Variants in UBE3A observed in about 807,000 individuals in gnomAD.
The protein encoded by UBE3A is ubiquitin-protein ligase E3A.
In UBE3A, 6 loss-of-function variants were observed where a neutral mutation model predicts 83.4. The observed-to-expected ratio is 0.07, with a 90% CI of 0.04 to 0.14. The LOEUF is 0.14. Ranked by LOEUF, UBE3A falls within the 10% of genes least tolerant of loss-of-function variation. The pLI is 1.00. For missense variants in UBE3A, 456 were observed against 1,036.1 expected, an observed-to-expected ratio of 0.44 and a Z score of 7.69; for synonymous variants, 337 against 355.4, an observed-to-expected ratio of 0.95 and a Z score of 0.58.
At chr15:25,425,061 A>G (rs1890924735) in intron 1 of UBE3A, among the ~76,000 whole-genome samples, 1 of 152,158 alleles carries the variant, frequency 6.6e-6, no homozygotes, top group Non-Finnish European at 1.5e-5. Context: ...ATTTTGAAAA[A>G]GAATAAGTTA....
At chr15:25,408,877 TAC>T (rs1295901248) in intron 3 of UBE3A, among the ~76,000 whole-genome samples, 1 of 152,204 alleles carries the variant, frequency 6.6e-6, no homozygotes, top group Non-Finnish European at 1.5e-5. Context: ...TGTTTATACA[TAC>T]AGATAGGTCT....
At chr15:25,398,478 C>G (rs12102113) in intron 4 of UBE3A, among the ~76,000 whole-genome samples, 1 of 151,990 alleles carries the variant, frequency 6.6e-6, no homozygotes, top group Non-Finnish European at 1.5e-5. Flanking sequence ...CCCCCAGCCC[C>G]TGGTAACCAC....
intron 4 of UBE3A, among the ~76,000 whole-genome samples, chr15:25,379,410 G>A (rs1043097352): frequency 2.0e-5 from 3 of 152,120 alleles, no homozygotes; most frequent in Non-Finnish European, 4.4e-5. Flanking sequence ...TTAAGAGGAG[G>A]ATCTGAAAGT....
At chr15:25,408,713 T>C in intron 3 of UBE3A, 7 of 1,540,010 alleles carry the variant, frequency 4.5e-6, no homozygotes, top group Non-Finnish European at 6.2e-6. Flanking sequence ...CTAGTTTTAT[T>C]AATGTTATAA....
In UBE3A at chr15:25,340,299, A is replaced by T; in HGVS notation, c.2355-71T>A. ...TGACTGGTACTAACATAAGCTTATG[A>T]TTTGCATTAAAACTATATTAAGAGA... On this transcript the variant is annotated intron_variant, in intron 11 of 12. Transcript: ENST00000648336. 16 of 1,517,062 alleles carry T rather than the reference A, an allele frequency of 1.1e-5. No homozygotes were observed. In the South Asian group the frequency reaches 1.7e-4, roughly 16 times the overall value. The allele number at this position is 1,517,062 out of a possible 1,614,324, so 94.0% of individuals were successfully genotyped here.
chr15:25,402,597 G>C (rs2087430504), intron 4 of UBE3A, among the ~76,000 whole-genome samples: 1 of 152,106 alleles, frequency 6.6e-6, no homozygotes, highest in Non-Finnish European at 1.5e-5. Context: ...CCTGAAGTTT[G>C]GGGCCATGGG....
intron 4 of UBE3A, among the ~76,000 whole-genome samples, chr15:25,380,494 A>C (rs534039045): frequency 1.4e-4 from 22 of 152,050 alleles, no homozygotes; most frequent in African/African-American, 5.1e-4. Flanking sequence ...CTCTCTCTTT[A>C]CCCTGAGCAA....
chr15:25,339,128 T>C lies in UBE3A; in HGVS notation c.*9A>G, dbSNP rs1267380643. 3 of 1,533,428 alleles carry C rather than the reference T, an allele frequency of 2.0e-6. No individual in the cohort carries two copies. Among genetic ancestry groups the C allele is most frequent in the Non-Finnish European group, 8.7e-7 (1 of 1,144,628 alleles). The allele number at this position is 1,533,428 out of a possible 1,614,324, so 95.0% of individuals were successfully genotyped here. ...TCCTTTTTTTTGTTTTATTTTGTTT[T>C]GTTTTGTTTTACAGCATGCCAAATC... On this transcript the variant is annotated 3_prime_UTR_variant, in exon 13 of 13. Coordinates refer to ENST00000648336, the MANE Select transcript of UBE3A (RefSeq NM_130839.5).
intron 6 of UBE3A, among the ~76,000 whole-genome samples, chr15:25,367,267 A>G (rs371983723): frequency 0.13 from 17,230 of 129,008 alleles, 1,175 homozygotes; most frequent in Middle Eastern, 0.24. Context: ...GTAAATATGT[A>G]AATATTTACA....
In UBE3A at chr15:25,415,396, G is replaced by A. The variant is rs141357020; in HGVS notation, c.-164-3425C>T. 4.7e-4 allele frequency among the ~76,000 whole-genome samples: 72 copies of A among 152,236 alleles called. 2 individuals are homozygous for A. In the East Asian group the frequency reaches 0.014, roughly 29 times the overall value. On this transcript the variant is annotated intron_variant, in intron 1 of 12. Coordinates refer to ENST00000648336, the MANE Select transcript of UBE3A (RefSeq NM_130839.5). Reference sequence around the variant, plus strand: ...ATCCCAGCACTACTGCCCACTATATGACATCATCACCAGTTACCAGATCTA... The same window carrying A: ...ATCCCAGCACTACTGCCCACTATATAACATCATCACCAGTTACCAGATCTA...
intron 3 of UBE3A, among the ~76,000 whole-genome samples, chr15:25,406,081 C>T (rs544771062): frequency 2.1e-4 from 32 of 152,306 alleles, no homozygotes; most frequent in African/African-American, 5.8e-4. Flanking sequence ...AACCACATGG[C>T]CCATAAAGCC....
intron 4 of UBE3A, among the ~76,000 whole-genome samples, chr15:25,399,740 A>C (rs6576421): frequency 4.6e-4 from 69 of 150,054 alleles, no homozygotes; most frequent in Admixed American, 9.3e-4. Context: ...GGCTTTAAAA[A>C]TTTTTTTTTT....
At chr15:25,373,816 T>G (rs1369585429) in intron 5 of UBE3A, 1 of 152,146 alleles carries the variant, frequency 6.6e-6, no homozygotes, top group Non-Finnish European at 1.5e-5. Context: ...TTCAGGTATA[T>G]AGATAAAAAT....
At position 25,370,394 on chromosome 15, in the gene UBE3A, T is replaced by C. The variant is rs1370266938; in HGVS notation, c.1608+172A>G. 6.6e-6 allele frequency among the ~76,000 whole-genome samples: 1 copy of C among 152,176 alleles called. No individual in the cohort carries two copies. Among genetic ancestry groups the C allele is most frequent in the African/African-American group, 2.4e-5 (1 of 41,464 alleles). Reference sequence around the variant, plus strand: ...TACAACCGATACTTTGTAGAACACATCTATAAACTTGCACAGGAACAACAA... The same window carrying C: ...TACAACCGATACTTTGTAGAACACACCTATAAACTTGCACAGGAACAACAA... On this transcript the variant is annotated intron_variant, in intron 6 of 12. Transcript: ENST00000648336. The surrounding 1 kb of genome is among the most constrained non-coding windows in gnomAD (Gnocchi z 4.2).
chr15:25,432,306 A>G (rs1485791695), intron 1 of UBE3A, among the ~76,000 whole-genome samples: 2 of 152,222 alleles, frequency 1.3e-5, no homozygotes, highest in Non-Finnish European at 2.9e-5. Context: ...TCTGCATCAC[A>G]AAGATTATAA....
At chr15:25,421,090 G>A (rs949298688) in intron 1 of UBE3A, among the ~76,000 whole-genome samples, 4 of 152,218 alleles carry the variant, frequency 2.6e-5, no homozygotes, top group African/African-American at 7.2e-5. Flanking sequence ...AATGTTGGGG[G>A]TGGGGCCTGG....
At chr15:25,409,009 ACATT>A in intron 3 of UBE3A, 75 bp downstream of exon 3, 1 of 1,432,906 alleles carries the variant, frequency 7.0e-7, no homozygotes, top group East Asian at 2.5e-5. Flanking sequence ...TGCCAACTAT[ACATT>A]GTCTTCATTT....
chr15:25,403,999 CAGAG>C (rs539297544), intron 4 of UBE3A, among the ~76,000 whole-genome samples: 28 of 152,224 alleles, frequency 1.8e-4, no homozygotes, highest in African/African-American at 5.3e-4. Flanking sequence ...TTCTGCAAAA[CAGAG>C]AGTTCTGATC....
chr15:25,433,466 G>A (rs556243487), intron 1 of UBE3A, among the ~76,000 whole-genome samples: 11 of 152,254 alleles, frequency 7.2e-5, no homozygotes, highest in Non-Finnish European at 1.2e-4. Context: ...GATGACAGGC[G>A]TGAGCCATGG....
Sources: gnomAD v4.1 joint callset for allele counts (sites outside exome capture counted in the v4.1 genomes callset) on GRCh38, gnomAD v4.1.1 for gene constraint, Gnocchi (gnomAD v3.1) non-coding constraint, MANE v1.5 for transcripts, NCBI Gene and HGNC (gene_info 2026-07-23, HGNC 2026-07-21) for gene names.